P2RY14: variants seen among roughly 807,000 people sequenced by gnomAD.
P2RY14 encodes the protein purinergic receptor P2Y14.
A neutral mutation model predicts 0.9 loss-of-function variants in P2RY14; 2 were observed. The ratio of observed to expected loss-of-function variants is 2.16; its 90% CI spans 0.88 to 6.79. The LOEUF (loss-of-function observed/expected upper bound fraction) is 6.79, where lower values mean the gene tolerates loss of function less well. Ranked by LOEUF, P2RY14 falls within the 30% of genes most tolerant of loss-of-function variation. The probability of loss-of-function intolerance (pLI) is 0.05; values close to 1 mark genes in which losing one functional copy is unlikely to be tolerated. For missense variants in P2RY14, 378 were observed against 400.1 expected (o/e 0.94, Z 0.47); for synonymous variants, 158 against 147.2 (o/e 1.07, Z -0.53).
rs1207644494 is a variant in P2RY14 at position 151,213,787 on chromosome 3, C to T, written c.530G>A (p.Ser177Asn). The change falls in exon 3 of 3, where the codon AGT becomes AAT. Residue 177 changes from serine to asparagine, a missense_variant. Transcript: ENST00000309170. ...TTTGTGCCACTTCCGTCCCAGTTCA[C>T]TTTTCAGTTCTATACATTTTATTTG... ...VTQIKCIELK[S>N]ELGRKWHKAS... 4 of 1,614,192 alleles carry T rather than the reference C, an allele frequency of 2.5e-6. No homozygotes were observed. The highest frequency in any genetic ancestry group is 1.7e-5 in the Admixed American group (1 of 60,028).
At position 151,235,109 on chromosome 3, in the gene P2RY14, T is replaced by G. The variant is rs532092787; in HGVS notation, c.-132-15467A>C. The stretch of plus-strand genomic sequence containing the variant: ...ACCAATATTCCTTGTAGATGTAGAT[T>G]ATTAAGCTACTTAGGTATTTTGGTC... On this transcript the variant is annotated intron_variant, in intron 1 of 2. Transcript: ENST00000309170. Among the ~76,000 whole-genome samples the G allele has an allele frequency of 2.1e-3, 318 of 152,330 alleles. 2 individuals are homozygous for G. The highest frequency in any genetic ancestry group is 7.5e-3 in the African/African-American group (312 of 41,578).
rs570324390 is a variant in P2RY14, at chr3:151,234,692, G to A, written c.-132-15050C>T. On this transcript the variant is annotated intron_variant, in intron 1 of 2. Transcript: ENST00000309170. ...TACAACTAGGACCCAACCATTCGAA[G>A]CCTCAGTTACTGTAATATCCAACCT... Among the ~76,000 whole-genome samples the A allele has an allele frequency of 3.9e-5, 6 of 152,304 alleles. No homozygotes were observed. The South Asian group carries it at 8.3e-4, about 21-fold the overall frequency.
chr3:151,227,091 C>T (rs17304673), intron 1 of P2RY14, among the ~76,000 whole-genome samples: 16,041 of 152,246 alleles, frequency 0.11, 1,136 homozygotes, highest in Middle Eastern at 0.17. Flanking sequence ...CTAACTCCTG[C>T]TGCTGTGACC....
intron 1 of P2RY14, among the ~76,000 whole-genome samples, chr3:151,254,858 G>A (rs986347351): frequency 6.6e-6 from 1 of 152,094 alleles, no homozygotes; most frequent in Admixed American, 6.5e-5. Flanking sequence ...TCTTATAAAT[G>A]TCACATACAT....
At chr3:151,261,076 G>A (rs1214442732) in intron 1 of P2RY14, among the ~76,000 whole-genome samples, 1 of 151,866 alleles carries the variant, frequency 6.6e-6, no homozygotes, top group Non-Finnish European at 1.5e-5. Flanking sequence ...TTTTTGGAGG[G>A]GAAGCATCTT....
intron 1 of P2RY14, among the ~76,000 whole-genome samples, chr3:151,276,115 A>G (rs982833658): frequency 1.2e-4 from 18 of 152,252 alleles, no homozygotes; most frequent in African/African-American, 3.1e-4. Flanking sequence ...TGCCCAGACA[A>G]CAGGTGAAAA....
At chr3:151,220,863 A>C (rs1729203275) in intron 1 of P2RY14, among the ~76,000 whole-genome samples, 1 of 152,218 alleles carries the variant, frequency 6.6e-6, no homozygotes, top group African/African-American at 2.4e-5. Flanking sequence ...AAGGTATCTG[A>C]AAATGTGGAA....
intron 1 of P2RY14, among the ~76,000 whole-genome samples, chr3:151,238,222 C>T (rs1452971282): frequency 3.3e-5 from 5 of 152,102 alleles, no homozygotes; most frequent in African/African-American, 1.2e-4. Flanking sequence ...TCTTGGCTCA[C>T]TGCATCCTCC....
intron 1 of P2RY14, among the ~76,000 whole-genome samples, chr3:151,251,874 A>G (rs908186204): frequency 6.6e-6 from 1 of 152,180 alleles, no homozygotes; most frequent in Admixed American, 6.5e-5. Flanking sequence ...TGATCTGTTT[A>G]TATCTGATAT....
intron 2 of P2RY14, among the ~76,000 whole-genome samples, chr3:151,217,362 G>C (rs1021668438): frequency 2.0e-5 from 3 of 152,158 alleles, no homozygotes; most frequent in Non-Finnish European, 2.9e-5. Context: ...CCAGAACTCT[G>C]CTCTCAGATT....
chr3:151,254,263 T>C (rs1414076873), intron 1 of P2RY14, among the ~76,000 whole-genome samples: 1 of 152,192 alleles, frequency 6.6e-6, no homozygotes, highest in African/African-American at 2.4e-5. Context: ...CTGTGCACGT[T>C]TCCCTTTACC....
chr3:151,223,183 A>AAAAC (rs1287436936), intron 1 of P2RY14, among the ~76,000 whole-genome samples: 5 of 151,092 alleles, frequency 3.3e-5, no homozygotes, highest in Non-Finnish European at 7.4e-5. Context: ...TCCAAAAAAA[A>AAAAC]AAAAAAACTA....
intron 1 of P2RY14, among the ~76,000 whole-genome samples, chr3:151,244,104 A>C (rs369166748): frequency 1.7e-5 from 2 of 117,736 alleles, no homozygotes; most frequent in African/African-American, 2.8e-5. Context: ...CAGGAGCACC[A>C]AGATTCATAA....
chr3:151,263,951 C>T (rs894335011), intron 1 of P2RY14, among the ~76,000 whole-genome samples: 9 of 152,216 alleles, frequency 5.9e-5, no homozygotes, highest in African/African-American at 1.7e-4. Context: ...AGGCAGATAA[C>T]GATGGACAGA....
chr3:151,221,455 T>C (rs1181905773), intron 1 of P2RY14, among the ~76,000 whole-genome samples: 1 of 152,182 alleles, frequency 6.6e-6, no homozygotes, highest in African/African-American at 2.4e-5. Flanking sequence ...ATCGCAGGCC[T>C]GGAGGCCTAG....
At chr3:151,234,176 A>G (rs190489844) in intron 1 of P2RY14, among the ~76,000 whole-genome samples, 1 of 152,310 alleles carries the variant, frequency 6.6e-6, no homozygotes. Context: ...TATGGAAATA[A>G]CCCAGATGAT....
At chr3:151,241,845 G>A (rs1171922888) in intron 1 of P2RY14, 1 of 154,426 alleles carries the variant, frequency 6.5e-6, no homozygotes, top group Non-Finnish European at 1.4e-5. Flanking sequence ...GCAGAAGACG[G>A]TGATTTCTGC....
chr3:151,245,852 A>G (rs1294723005), intron 1 of P2RY14, among the ~76,000 whole-genome samples: 1 of 151,428 alleles, frequency 6.6e-6, no homozygotes. Context: ...AGACGACATG[A>G]TTGTATATCT....
At position 151,268,952 on chromosome 3, in the gene P2RY14, AAAG is replaced by A. The variant is rs779243408; in HGVS notation, c.-133+9332_-133+9334del. Among the ~76,000 whole-genome samples, 11 of 152,324 alleles carry A rather than the reference AAAG, an allele frequency of 7.2e-5. No individual in the cohort carries two copies. In the South Asian group the frequency reaches 8.3e-4, roughly 11 times the overall value. Reference sequence around the variant, plus strand: ...GTTTTCTGAGCGTCTTCCTGACGAGAAAGAAGAATTGTGGTCTGGTTCTTGAAC... The same window carrying A: ...GTTTTCTGAGCGTCTTCCTGACGAGAAAGAATTGTGGTCTGGTTCTTGAAC... On this transcript the variant is annotated intron_variant, in intron 1 of 2. Transcript: ENST00000309170.
Sources: gnomAD v4.1 joint callset for allele counts (sites outside exome capture counted in the v4.1 genomes callset) on GRCh38, gnomAD v4.1.1 for gene constraint, MANE v1.5 for transcripts, NCBI Gene and HGNC (gene_info 2026-07-23, HGNC 2026-07-21) for gene names.